Variants in CHRM3 observed in about 807,000 individuals in gnomAD.
CHRM3 encodes the protein muscarinic acetylcholine receptor M3.
In CHRM3, 11 loss-of-function variants were observed where a neutral mutation model predicts 41.8. That is an observed-to-expected ratio of 0.26 (90% CI 0.17 to 0.44). CHRM3 has a LOEUF of 0.44. CHRM3 is among the 20% of genes least tolerant of loss of function. The pLI, the probability that CHRM3 is intolerant of heterozygous loss-of-function variation, is 1.00. For missense variants in CHRM3, 571 were observed against 745.4 expected (o/e 0.77, Z 2.72); for synonymous variants, 297 against 301.4 (o/e 0.99, Z 0.15).
chr1:239,903,821 A>G (rs192224228), intron 6 of CHRM3, among the ~76,000 whole-genome samples: 9 of 152,260 alleles, frequency 5.9e-5, no homozygotes, highest in Middle Eastern at 3.4e-3. Flanking sequence ...AAATCTCCAA[A>G]TCAACCCTCC....
At chr1:239,782,307 A>T (rs532082061) in intron 5 of CHRM3, among the ~76,000 whole-genome samples, 50 of 152,138 alleles carry the variant, frequency 3.3e-4, no homozygotes, top group Admixed American at 1.4e-3. Flanking sequence ...GCCTATTTTG[A>T]TCAACTGTTG....
At chr1:239,473,674 T>G (rs181247157) in intron 1 of CHRM3, among the ~76,000 whole-genome samples, 2 of 152,266 alleles carry the variant, frequency 1.3e-5, no homozygotes, top group Admixed American at 1.3e-4. Flanking sequence ...GGCGCCTTAT[T>G]ACTGTGGAAT....
chr1:239,663,110 G>A (rs1484139578), intron 4 of CHRM3, among the ~76,000 whole-genome samples: 1 of 151,826 alleles, frequency 6.6e-6, no homozygotes, highest in Non-Finnish European at 1.5e-5. Flanking sequence ...AGTCGGGGCT[G>A]TCCCGGTGCC....
chr1:239,568,347 A>G (rs796726685), intron 3 of CHRM3, among the ~76,000 whole-genome samples: 1 of 152,096 alleles, frequency 6.6e-6, no homozygotes, highest in Admixed American at 6.5e-5. Context: ...TTAGTGAGTA[A>G]GTTTCACGAG....
chr1:239,843,342 G>T (rs1439749839), intron 6 of CHRM3, among the ~76,000 whole-genome samples: 1 of 151,606 alleles, frequency 6.6e-6, no homozygotes, highest in Non-Finnish European at 1.5e-5. Context: ...ACCCATGCTG[G>T]CCTATGTTAT....
intron 5 of CHRM3, among the ~76,000 whole-genome samples, chr1:239,775,861 G>C (rs546159991): frequency 6.6e-6 from 1 of 152,324 alleles, no homozygotes; most frequent in East Asian, 1.9e-4. Flanking sequence ...GAAAGTTTCT[G>C]TACAGGTTCT....
chr1:239,521,694 G>C (rs1324604448), intron 2 of CHRM3, among the ~76,000 whole-genome samples: 1 of 152,104 alleles, frequency 6.6e-6, no homozygotes, highest in Non-Finnish European at 1.5e-5. Context: ...ATAGGAGAGG[G>C]AGGTACAGCC....
rs958519092 is a variant in CHRM3, at chr1:239,621,523, A to G, written c.-312-10701A>G. ...AAGGAAAAGTTCATGAAGGAAATGA[A>G]AAGTGCTACTCCAGTGAACACACAA... On this transcript the variant is annotated intron_variant, in intron 3 of 6. Transcript: ENST00000676153. 3.9e-5 allele frequency among the ~76,000 whole-genome samples: 6 copies of G among 152,346 alleles called. No homozygotes were observed. The East Asian group carries it at 1.2e-3, about 29-fold the overall frequency.
chr1:239,605,274 T>C (rs796368419), intron 3 of CHRM3, among the ~76,000 whole-genome samples: 23 of 152,312 alleles, frequency 1.5e-4, no homozygotes, highest in African/African-American at 5.1e-4. Context: ...TATAACATGG[T>C]ATTTTTACTG....
At chr1:239,405,685 T>C (rs1300076009) in intron 1 of CHRM3, among the ~76,000 whole-genome samples, 1 of 152,166 alleles carries the variant, frequency 6.6e-6, no homozygotes, top group Non-Finnish European at 1.5e-5. Flanking sequence ...ACTGCATTTG[T>C]GTGTCCAATG....
chr1:239,585,580 C>G (rs1663322555), intron 3 of CHRM3, among the ~76,000 whole-genome samples: 1 of 152,098 alleles, frequency 6.6e-6, no homozygotes, highest in African/African-American at 2.4e-5. Flanking sequence ...AGAGTGAATG[C>G]CCAGCTGAAT....
Position 239,914,613 on chromosome 1 carries a change from A to T in CHRM3, c.*5389A>T, listed in dbSNP as rs115805539. Reference sequence around the variant, plus strand: ...AACTTTACTGGATTGGTCAACAAAGACAAACTTTTTATTGTATAAAACAGT... The same window carrying T: ...AACTTTACTGGATTGGTCAACAAAGTCAAACTTTTTATTGTATAAAACAGT... On this transcript the variant is annotated 3_prime_UTR_variant, in exon 7 of 7. Transcript: ENST00000676153. 1 of 167,074 alleles carries T rather than the reference A, an allele frequency of 6.0e-6. No individual in the cohort carries two copies. Among genetic ancestry groups the T allele is most frequent in the Non-Finnish European group, 1.5e-5 (1 of 68,116 alleles). The allele number at this position is 167,074 out of a possible 1,614,324, so 10.3% of individuals were successfully genotyped here.
At chr1:239,496,538 T>TGC (rs1433456862) in intron 2 of CHRM3, among the ~76,000 whole-genome samples, 1 of 151,022 alleles carries the variant, frequency 6.6e-6, no homozygotes, top group Non-Finnish European at 1.5e-5. Context: ...TGTGTGTGTG[T>TGC]GTGTGTATAA....
rs1474288055 is a variant in CHRM3, at chr1:239,387,546, CG to C, written c.-521+323del. Among the ~76,000 whole-genome samples, 1 of 151,904 alleles carries C rather than the reference CG, an allele frequency of 6.6e-6. No homozygotes were observed. Among genetic ancestry groups the C allele is most frequent in the African/African-American group, 2.4e-5 (1 of 41,370 alleles). ...ATGCGAGCGGTGGCCGGGAGAGAGT[CG>C]GGGACGTCCCACCCCGCTCTCCCTC... is the stretch of plus-strand genomic sequence containing the variant. On this transcript the variant is annotated intron_variant, in intron 1 of 6. Transcript: ENST00000676153. The surrounding 1 kb of genome is among the most constrained non-coding windows in gnomAD (Gnocchi z 5.1).
At chr1:239,778,486 G>A (rs1433698040) in intron 5 of CHRM3, among the ~76,000 whole-genome samples, 2 of 152,114 alleles carry the variant, frequency 1.3e-5, no homozygotes, top group Admixed American at 1.3e-4. Flanking sequence ...GTGCCCTTTT[G>A]ATGTTATAGA....
intron 3 of CHRM3, among the ~76,000 whole-genome samples, chr1:239,590,475 C>T (rs1220711897): frequency 6.6e-6 from 1 of 152,104 alleles, no homozygotes; most frequent in African/African-American, 2.4e-5. Flanking sequence ...GCCAGTTCTC[C>T]TGAATGTGGG....
intron 5 of CHRM3, among the ~76,000 whole-genome samples, chr1:239,733,262 G>A (rs1036721400): frequency 2.6e-5 from 4 of 152,026 alleles, no homozygotes; most frequent in African/African-American, 9.7e-5. Flanking sequence ...GAGCCAAAGT[G>A]GAGACTGGGT....
At chr1:239,735,330 C>T (rs1664304077) in intron 5 of CHRM3, among the ~76,000 whole-genome samples, 1 of 152,092 alleles carries the variant, frequency 6.6e-6, no homozygotes, top group African/African-American at 2.4e-5. Flanking sequence ...TCCTGTACTG[C>T]CAGATAGTCG....
intron 4 of CHRM3, among the ~76,000 whole-genome samples, chr1:239,647,659 G>T (rs1671856989): frequency 6.6e-6 from 1 of 152,058 alleles, no homozygotes; most frequent in African/African-American, 2.4e-5. Flanking sequence ...ATCTCCAGCT[G>T]GACAGCTCCA....
Sources: gnomAD v4.1 joint callset for allele counts (sites outside exome capture counted in the v4.1 genomes callset) on GRCh38, gnomAD v4.1.1 for gene constraint, Gnocchi (gnomAD v3.1) non-coding constraint, MANE v1.5 for transcripts, NCBI Gene and HGNC (gene_info 2026-07-23, HGNC 2026-07-21) for gene names.